Variants in RBL1 observed in about 807,000 individuals in gnomAD.
The protein encoded by RBL1 is retinoblastoma-like protein 1.
Under a neutral mutation model 123.0 loss-of-function variants are expected in RBL1, and 82 were observed. The ratio of observed to expected loss-of-function variants is 0.67; its 90% CI spans 0.56 to 0.80. The LOEUF is 0.80. Among genes scored for constraint, RBL1 ranks in the 30% least tolerant of loss-of-function variants. The probability of loss-of-function intolerance (pLI) is 0.00; values close to 1 mark genes in which losing one functional copy is unlikely to be tolerated. For synonymous variants in RBL1, 405 were observed against 441.3 expected (o/e 0.92, Z 1.03); for missense variants, 1,171 against 1,299.6 (o/e 0.90, Z 1.52).
At chr20:37,049,247 T>C in intron 11 of RBL1, 1 of 504,480 alleles carries the variant, frequency 2.0e-6, no homozygotes, top group Non-Finnish European at 3.6e-6. Flanking sequence ...AGATCCGCCA[T>C]CTGCAAATGC....
intron 13 of RBL1, among the ~76,000 whole-genome samples, chr20:37,042,314 G>T (rs568937185): frequency 6.6e-6 from 1 of 152,028 alleles, no homozygotes; most frequent in Non-Finnish European, 1.5e-5. Flanking sequence ...AGCCACCAGG[G>T]AAATGCAAAT....
In RBL1 at chr20:37,095,753, C is replaced by G. The variant is rs1027180758; in HGVS notation, c.156+20G>C. The G allele has an allele frequency of 1.3e-6, 2 of 1,570,630 alleles. No individual in the cohort carries two copies. Among genetic ancestry groups the G allele is most frequent in the Admixed American group, 1.7e-5 (1 of 57,560 alleles). ...GCCTGGCGAGGGTAGGGTCCGGCCG[C>G]CCCACCTGCTGCCGCTCACCTCTAG... On this transcript the variant is annotated intron_variant, in intron 1 of 21. Transcript: ENST00000373664.
intron 19 of RBL1, among the ~76,000 whole-genome samples, chr20:37,012,037 A>AT (rs1051218159): frequency 1.3e-5 from 2 of 151,982 alleles, no homozygotes; most frequent in Non-Finnish European, 2.9e-5. Flanking sequence ...TGGTTTTCGT[A>AT]TTTTTTTGGT....
chr20:37,048,221 C>T (rs1012853434), intron 11 of RBL1, among the ~76,000 whole-genome samples: 1 of 152,082 alleles, frequency 6.6e-6, no homozygotes, highest in African/African-American at 2.4e-5. Flanking sequence ...AGGACACAGG[C>T]AGAATGGGAA....
At chr20:37,007,307 A>G (rs771232585) in intron 20 of RBL1, 104 bp downstream of exon 20, 18 of 1,205,812 alleles carry the variant, frequency 1.5e-5, no homozygotes, top group Non-Finnish European at 2.0e-5. Context: ...TGCTCTGATT[A>G]ATTGCTAGTA....
chr20:37,049,358 A>G (rs769864168), intron 11 of RBL1: 7 of 704,764 alleles, frequency 9.9e-6, no homozygotes, highest in Non-Finnish European at 1.8e-5. Flanking sequence ...ATAAGGAAGG[A>G]ATTCCTCCTG....
At position 37,076,067 on chromosome 20, in the gene RBL1, T is replaced by C. The variant is rs1001901705; in HGVS notation, c.291-7881A>G. Among the ~76,000 whole-genome samples, 6 of 152,296 alleles carry C rather than the reference T, an allele frequency of 3.9e-5. No individual in the cohort carries two copies. In the East Asian group the frequency reaches 1.2e-3, roughly 29 times the overall value. On this transcript the variant is annotated intron_variant, in intron 2 of 21. Coordinates refer to ENST00000373664, the MANE Select transcript of RBL1 (RefSeq NM_002895.5). ...GGTTGCCTTAGGGACTAATAGACTG[T>C]CACCAGGTTTTGTTTATCTTTGCAG...
At chr20:37,086,806 T>C (rs1017877054) in intron 2 of RBL1, among the ~76,000 whole-genome samples, 11 of 152,158 alleles carry the variant, frequency 7.2e-5, no homozygotes, top group South Asian at 2.1e-4. Flanking sequence ...CTGAGACCCA[T>C]AGAGTAGCTG....
In RBL1 at chr20:37,035,286, G is replaced by T. The variant is rs1411453570; in HGVS notation, c.2126C>A (p.Pro709Gln). Residue 709 changes from proline (P) to glutamine (Q), a missense_variant, in exon 15 of 22, where the codon CCA (proline) becomes CAA (glutamine). Pro to Gln is a moderately conservative substitution (Grantham distance 76, BLOSUM62 -1). Transcript: ENST00000373664. The part of the protein sequence containing the change: ...GQTLLTMATA[P>Q]VTGTTGHKVT... ...TTTATGTCCTGTTGTTCCTGTTACTGGGGCTGTGGCCATTGTTAGAAGAGT... is the reference window on the plus strand; with the variant it reads ...TTTATGTCCTGTTGTTCCTGTTACTTGGGCTGTGGCCATTGTTAGAAGAGT... 6.2e-7 allele frequency: 1 copy of T among 1,613,806 alleles called. No homozygotes were observed. Among genetic ancestry groups the T allele is most frequent in the Non-Finnish European group, 8.5e-7 (1 of 1,179,752 alleles).
chr20:37,040,071 C>A, intron 14 of RBL1, 82 bp downstream of exon 14: 1 of 1,568,496 alleles, frequency 6.4e-7, no homozygotes, highest in South Asian at 1.2e-5. Context: ...TAATAACATA[C>A]TCACAAGACT....
At chr20:37,087,127 G>A (rs2065559386) in intron 2 of RBL1, among the ~76,000 whole-genome samples, 2 of 152,164 alleles carry the variant, frequency 1.3e-5, no homozygotes, top group Non-Finnish European at 2.9e-5. Context: ...ACAAGGTCAG[G>A]AGTTTGAGAC....
chr20:37,037,988 GTTT>G (rs57647591), intron 14 of RBL1, among the ~76,000 whole-genome samples: 5 of 83,596 alleles, frequency 6.0e-5, no homozygotes, highest in South Asian at 7.7e-4. Flanking sequence ...CCCGGCCATT[GTTT>G]TTTTTTTTTT....
chr20:37,072,403 A>G (rs2065296173), intron 2 of RBL1, among the ~76,000 whole-genome samples: 1 of 150,450 alleles, frequency 6.6e-6, no homozygotes, highest in Non-Finnish European at 1.5e-5. Context: ...GGGAGGTGGA[A>G]GTTGCGGGGA....
At chr20:37,063,995 T>C (rs1218876497) in intron 7 of RBL1, among the ~76,000 whole-genome samples, 1 of 148,782 alleles carries the variant, frequency 6.7e-6, no homozygotes, top group Non-Finnish European at 1.5e-5. Flanking sequence ...GCTGATTTTG[T>C]ATTTTTTGTA....
intron 1 of RBL1, among the ~76,000 whole-genome samples, chr20:37,093,187 A>G (rs1210184368): frequency 6.6e-6 from 1 of 152,166 alleles, no homozygotes; most frequent in Non-Finnish European, 1.5e-5. Context: ...TGTCAGGTAG[A>G]CTAGAGAGGG....
At chr20:37,025,659 T>C (rs186268217) in intron 16 of RBL1, among the ~76,000 whole-genome samples, 1 of 152,182 alleles carries the variant, frequency 6.6e-6, no homozygotes, top group Admixed American at 6.5e-5. Context: ...AGAATGCAGA[T>C]ATGATATCTG....
At chr20:37,069,735 C>T (rs1036068197) in intron 2 of RBL1, among the ~76,000 whole-genome samples, 15 of 150,996 alleles carry the variant, frequency 9.9e-5, no homozygotes, top group East Asian at 9.8e-4. Flanking sequence ...CCACCCAGTC[C>T]GGGAGGGAGG....
chr20:37,005,734 G>A (rs1252589960), intron 20 of RBL1, among the ~76,000 whole-genome samples: 1 of 152,110 alleles, frequency 6.6e-6, no homozygotes, highest in African/African-American at 2.4e-5. Flanking sequence ...TGAAACTGAA[G>A]CAGGATGAAC....
chr20:37,002,696 T>C (rs111690647), intron 21 of RBL1, among the ~76,000 whole-genome samples: 2,069 of 150,942 alleles, frequency 0.014, 55 homozygotes, highest in African/African-American at 0.048. Flanking sequence ...GTTTGAGATC[T>C]TCTTCCTTAG....
Sources: gnomAD v4.1 joint callset for allele counts (sites outside exome capture counted in the v4.1 genomes callset) on GRCh38, gnomAD v4.1.1 for gene constraint, MANE v1.5 for transcripts, NCBI Gene and HGNC (gene_info 2026-07-23, HGNC 2026-07-21) for gene names.